The following FGD6 variants were observed in gnomAD, a reference collection of about 807,000 sequenced individuals.
FGD6 encodes the protein FYVE, RhoGEF and PH domain containing 6, also known as FYVE, RhoGEF and PH domain-containing protein 6.
Under a neutral mutation model 149.4 loss-of-function variants are expected in FGD6, and 90 were observed. That is an observed-to-expected ratio of 0.60 (90% confidence interval 0.51 to 0.72). The LOEUF is 0.72. FGD6 is among the 30% of genes least tolerant of loss of function. FGD6 has a pLI of 0.00. For synonymous variants in FGD6, 527 were observed against 584.0 expected (o/e 0.90, Z 1.41); for missense variants, 1,437 against 1,684.8 (o/e 0.85, Z 2.57).
rs1364601392 is a variant in FGD6 at position 95,209,839 on chromosome 12, T to C, written c.1445A>G (p.Lys482Arg). 6.2e-7 allele frequency: 1 copy of C among 1,607,550 alleles called. No homozygotes were observed. Among genetic ancestry groups the C allele is most frequent in the East Asian group, 2.2e-5 (1 of 44,868 alleles). The change falls in exon 2 of 21, where the codon AAG (lysine) becomes AGG (arginine). Residue 482 changes from lysine to arginine, a missense_variant. Transcript: ENST00000343958. The part of the protein sequence containing the change: ...NLGVSAPQMQ[K>R]ESVIKEENSL... Reference sequence around the variant, plus strand: ...ATTTTCCTCTTTTATAACAGATTCCTTTTGCATTTGAGGGGCAGAAACTCC... The same window carrying C: ...ATTTTCCTCTTTTATAACAGATTCCCTTTGCATTTGAGGGGCAGAAACTCC...
At chr12:95,102,076 G>A (rs1199432987) in intron 14 of FGD6, among the ~76,000 whole-genome samples, 1 of 11,276 alleles carries the variant, frequency 8.9e-5, no homozygotes, top group Non-Finnish European at 1.7e-4. Context: ...GAGGCTGAGT[G>A]GGGGTGGATC....
Position 95,080,795 on chromosome 12 carries a change from G to A in FGD6, c.*725C>T, listed in dbSNP as rs777768789. 11 of 152,052 alleles carry A rather than the reference G, an allele frequency of 7.2e-5. No homozygotes were observed. The highest frequency in any genetic ancestry group is 3.3e-4 in the Admixed American group (5 of 15,264). 9.4% of individuals were successfully genotyped at this position (152,052 alleles called of 1,614,324 possible). ...TTTTAAAAGATTGGACTTAAAAGCC[G>A]GAAGAGTTGGTTATTTGTGGTATTC... On this transcript the variant is annotated 3_prime_UTR_variant, in exon 21 of 21. Coordinates refer to ENST00000343958, the MANE Select transcript of FGD6 (RefSeq NM_018351.4).
chr12:95,148,869 T>C (rs549869582), intron 5 of FGD6, among the ~76,000 whole-genome samples: 8 of 75,280 alleles, frequency 1.1e-4, no homozygotes, highest in African/African-American at 5.0e-4. Context: ...ATATAAGATA[T>C]AGCATATATT....
At chr12:95,116,051 A>G (rs538992048) in intron 8 of FGD6, among the ~76,000 whole-genome samples, 2 of 134,348 alleles carry the variant, frequency 1.5e-5, no homozygotes, top group East Asian at 2.2e-4. Flanking sequence ...ATAAAGGAAA[A>G]ATGAAGTGGG....
intron 13 of FGD6, among the ~76,000 whole-genome samples, chr12:95,106,164 G>A (rs1291727539): frequency 6.6e-6 from 1 of 152,030 alleles, no homozygotes; most frequent in Non-Finnish European, 1.5e-5. Flanking sequence ...GTTTCACTGT[G>A]TTGCCCAGGC....
intron 3 of FGD6, among the ~76,000 whole-genome samples, chr12:95,166,063 C>T (rs1159035865): frequency 6.7e-6 from 1 of 148,676 alleles, no homozygotes; most frequent in Non-Finnish European, 1.5e-5. Flanking sequence ...GCTTCAACTT[C>T]CCAGGGGCTT....
At chr12:95,191,319 A>G (rs1366157713) in intron 2 of FGD6, among the ~76,000 whole-genome samples, 1 of 152,204 alleles carries the variant, frequency 6.6e-6, no homozygotes, top group African/African-American at 2.4e-5. Context: ...AGGTCTTTTA[A>G]TTCAATTTCT....
intron 8 of FGD6, 61 bp from the exon 9 acceptor site, chr12:95,113,762 C>T: frequency 9.2e-7 from 1 of 1,091,082 alleles, no homozygotes; most frequent in Non-Finnish European, 1.3e-6. Context: ...AAACACATAT[C>T]TTTCTTTTTC....
chr12:95,153,065 C>A, intron 3 of FGD6, 72 bp from the exon 4 acceptor site: 1 of 1,323,406 alleles, frequency 7.6e-7, no homozygotes, highest in Non-Finnish European at 1.1e-6. Flanking sequence ...TAGTCAGACA[C>A]GAATTTTAAC....
At chr12:95,178,452 A>G (rs9788192) in intron 2 of FGD6, among the ~76,000 whole-genome samples, 133,100 of 152,118 alleles carry the variant, frequency 0.87, 58,575 homozygotes, top group African/African-American at 0.96. Context: ...CTGCTTTCAC[A>G]AAAAAGAAAC....
At chr12:95,195,991 G>A (rs1407664123) in intron 2 of FGD6, among the ~76,000 whole-genome samples, 2 of 151,624 alleles carry the variant, frequency 1.3e-5, no homozygotes, top group Non-Finnish European at 2.9e-5. Context: ...GTGTGGTGGC[G>A]CACGTCTCTA....
chr12:95,179,417 A>C (rs781658219), intron 2 of FGD6, among the ~76,000 whole-genome samples: 2 of 151,890 alleles, frequency 1.3e-5, no homozygotes, highest in South Asian at 4.2e-4. Context: ...AGGTGGGAGG[A>C]TCACTTGAGC....
At chr12:95,148,282 CAAA>C (rs10713490) in intron 5 of FGD6, among the ~76,000 whole-genome samples, 10 of 139,088 alleles carry the variant, frequency 7.2e-5, no homozygotes, top group African/African-American at 5.3e-5. Flanking sequence ...TTTTACAATG[CAAA>C]AAAAAAAAAA....
At chr12:95,177,070 T>A (rs7310428) in intron 2 of FGD6, among the ~76,000 whole-genome samples, 3 of 151,932 alleles carry the variant, frequency 2.0e-5, no homozygotes, top group South Asian at 2.1e-4. Context: ...TCAGGTGATC[T>A]GCCTGCCTCA....
intron 7 of FGD6, among the ~76,000 whole-genome samples, chr12:95,136,375 C>T (rs1879667260): frequency 6.6e-6 from 1 of 152,000 alleles, no homozygotes; most frequent in South Asian, 2.1e-4. Context: ...AAAACAAAAA[C>T]AAAAACAAAC....
At chr12:95,132,405 A>G (rs1183439712) in intron 8 of FGD6, among the ~76,000 whole-genome samples, 2 of 152,194 alleles carry the variant, frequency 1.3e-5, no homozygotes, top group African/African-American at 4.8e-5. Context: ...TGAAACCTAA[A>G]TTTAACATAT....
At chr12:95,082,317 TAA>T (rs1317757317) in intron 20 of FGD6, among the ~76,000 whole-genome samples, 1 of 152,070 alleles carries the variant, frequency 6.6e-6, no homozygotes, top group Non-Finnish European at 1.5e-5. Flanking sequence ...GATTTGCAAT[TAA>T]AAGGAATCTG....
Position 95,191,885 on chromosome 12 carries a change from G to A in FGD6, c.2441+16958C>T, listed in dbSNP as rs1286672856. ...CAAGTAGCTGGGATTATAGGCACCC[G>A]CCACCACGCCTGGCTAATTTTTTTG... is the stretch of plus-strand genomic sequence containing the variant. On this transcript the variant is annotated intron_variant, in intron 2 of 20. Coordinates refer to ENST00000343958, the MANE Select transcript of FGD6 (RefSeq NM_018351.4). Among the ~76,000 whole-genome samples the A allele has an allele frequency of 2.6e-5, 4 of 152,032 alleles. No individual in the cohort carries two copies. In the East Asian group the frequency reaches 7.7e-4, roughly 29 times the overall value.
Position 95,210,215 on chromosome 12 carries a change from T to C in FGD6, c.1069A>G (p.Lys357Glu), listed in dbSNP as rs1048962028. 6.2e-7 allele frequency: 1 copy of C among 1,614,146 alleles called. No homozygotes were observed. Among genetic ancestry groups the C allele is most frequent in the Non-Finnish European group, 8.5e-7 (1 of 1,180,040 alleles). ...SSSCLTENSLKINKISVLHQN... is the reference protein window; with the variant it reads ...SSSCLTENSLEINKISVLHQN... Reference sequence around the variant, plus strand: ...TGCAGAACACTGATTTTATTGATTTTCAAACTATTTTCAGTAAGACAGGAA... The same window carrying C: ...TGCAGAACACTGATTTTATTGATTTCCAAACTATTTTCAGTAAGACAGGAA... The change falls in exon 2 of 21, where the codon AAA (lysine) becomes GAA (glutamate). Residue 357 changes from lysine (K) to glutamate (E), a missense_variant. Coordinates refer to ENST00000343958, the MANE Select transcript of FGD6 (RefSeq NM_018351.4).
Sources: allele counts gnomAD v4.1 joint callset (sites outside exome capture counted in the v4.1 genomes callset), GRCh38; gene constraint gnomAD v4.1.1; transcripts MANE v1.5; gene names NCBI Gene and HGNC (gene_info 2026-07-23, HGNC 2026-07-21).